RYR2: variants seen among roughly 807,000 people sequenced by gnomAD.
RYR2 encodes cardiac muscle ryanodine receptor-calcium release channel.
In RYR2, 227 loss-of-function variants were observed where a neutral mutation model predicts 601.1. That is an observed-to-expected ratio of 0.38 (90% CI 0.34 to 0.42). RYR2 has a LOEUF of 0.42. RYR2 is among the 10% of genes least tolerant of loss of function. The pLI is 1.00. For missense variants in RYR2, 4,646 were observed against 6,156.5 expected (o/e 0.75, Z 8.21); for synonymous variants, 2,223 against 2,175.1 (o/e 1.02, Z -0.61).
chr1:237,799,093 G>T (rs1558441578), intron 97 of RYR2, among the ~76,000 whole-genome samples: 2 of 152,140 alleles, frequency 1.3e-5, no homozygotes, highest in Non-Finnish European at 2.9e-5. Context: ...TTATCTATCT[G>T]AAAACTTATT....
intron 12 of RYR2, among the ~76,000 whole-genome samples, chr1:237,428,323 A>G (rs1706415897): frequency 6.6e-6 from 1 of 152,226 alleles, no homozygotes; most frequent in Non-Finnish European, 1.5e-5. Flanking sequence ...AGCACTATTC[A>G]CAATAGCAAA....
intron 98 of RYR2, among the ~76,000 whole-genome samples, chr1:237,804,293 C>G (rs184108642): frequency 2.6e-4 from 29 of 113,330 alleles, no homozygotes; most frequent in Admixed American, 5.4e-4. Context: ...CCTTCCCAAG[C>G]AAACTCTGTT....
rs1397847397 is a variant in RYR2 at position 237,660,081 on chromosome 1, A to G, written c.8298+7A>G. On this transcript the variant is annotated splice_region_variant and intron_variant, in intron 55 of 104. Coordinates refer to ENST00000366574, the MANE Select transcript of RYR2 (RefSeq NM_001035.3). ...TAAGCTATTGTCTGAAAAGGTAAGG[A>G]TTTTTTGTTTGTTTTAGTTTGTAAA... The G allele has an allele frequency of 6.8e-7, 1 of 1,473,374 alleles. No homozygotes were observed. Among genetic ancestry groups the G allele is most frequent in the African/African-American group, 1.4e-5 (1 of 69,388 alleles). 91.3% of individuals were successfully genotyped at this position (1,473,374 alleles called of 1,614,324 possible).
At chr1:237,759,977 G>A in intron 83 of RYR2, 125 bp downstream of exon 83, 1 of 680,486 alleles carries the variant, frequency 1.5e-6, no homozygotes. Flanking sequence ...CTTTAAAGTG[G>A]GATAATCGGC....
chr1:237,162,936 A>G lies in RYR2; in HGVS notation c.49-107561A>G, dbSNP rs114906807. ...CAATCTGAGACTCTCCAAGGGAAAGAGGCTTCATCTCTACAACTGCTACTT... is the reference window on the plus strand; with the variant it reads ...CAATCTGAGACTCTCCAAGGGAAAGGGGCTTCATCTCTACAACTGCTACTT... On this transcript the variant is annotated intron_variant, in intron 1 of 104. Coordinates refer to ENST00000366574, the MANE Select transcript of RYR2 (RefSeq NM_001035.3). Among the ~76,000 whole-genome samples the G allele has an allele frequency of 2.3e-3, 345 of 152,302 alleles. 1 individual carries two copies. Among genetic ancestry groups the G allele is most frequent in the African/African-American group, 8.0e-3 (333 of 41,566 alleles).
chr1:237,505,423 A>G (rs77438565), intron 22 of RYR2, among the ~76,000 whole-genome samples: 1,528 of 152,320 alleles, frequency 0.01, 29 homozygotes, highest in African/African-American at 0.033. Flanking sequence ...CCATGCCTCC[A>G]AAGCTTCAGT....
At chr1:237,207,122 A>T (rs1044135881) in intron 1 of RYR2, among the ~76,000 whole-genome samples, 2 of 150,754 alleles carry the variant, frequency 1.3e-5, no homozygotes, top group Non-Finnish European at 2.9e-5. Flanking sequence ...CAGCCTGGAC[A>T]ACAGTGAAAA....
In RYR2 at chr1:237,788,097, T is replaced by G; in HGVS notation, c.13438T>G (p.Phe4480Val). The G allele has an allele frequency of 1.2e-6, 2 of 1,612,012 alleles. No homozygotes were observed. Among genetic ancestry groups the G allele is most frequent in the Non-Finnish European group, 1.7e-6 (2 of 1,179,060 alleles). Residue 4480 changes from phenylalanine to valine, a missense_variant, in exon 92 of 105, where the codon TTC becomes GTC. Phe to Val is a conservative substitution (Grantham distance 50). Transcript: ENST00000366574. ...YGEPEVPESA[F>V]WKKIIAYQQK... ...AGAACCAGAAGTGCCAGAGTCAGCA[T>G]TCTGGAAGAAAATCATAGCATATCA...
chr1:237,631,812 T>C (rs1176476033), intron 42 of RYR2, among the ~76,000 whole-genome samples: 2 of 151,418 alleles, frequency 1.3e-5, no homozygotes, highest in Non-Finnish European at 2.9e-5. Context: ...GTGTTTTTAG[T>C]AGAGACGGGG....
At chr1:237,767,218 C>T (rs1017307280) in intron 84 of RYR2, among the ~76,000 whole-genome samples, 8 of 152,006 alleles carry the variant, frequency 5.3e-5, no homozygotes, top group South Asian at 2.1e-4. Context: ...AAAACAAGCA[C>T]GAGTTCACAA....
intron 53 of RYR2, among the ~76,000 whole-genome samples, 193 bp downstream of exon 53, chr1:237,656,177 G>A (rs1338671035): frequency 6.6e-6 from 1 of 151,914 alleles, no homozygotes; most frequent in Non-Finnish European, 1.5e-5. Flanking sequence ...AAATAGATAA[G>A]ATGTACCTTC....
chr1:237,729,151 T>C (rs998920928), intron 76 of RYR2, among the ~76,000 whole-genome samples: 14 of 152,268 alleles, frequency 9.2e-5, no homozygotes, highest in African/African-American at 2.6e-4. Context: ...TTAGTTTCTG[T>C]GATGTCATAG....
At chr1:237,305,752 T>A (rs1387556103) in intron 2 of RYR2, among the ~76,000 whole-genome samples, 1 of 152,188 alleles carries the variant, frequency 6.6e-6, no homozygotes, top group Admixed American at 6.5e-5. Context: ...AATAACATAC[T>A]GTGTAGGTCT....
intron 1 of RYR2, among the ~76,000 whole-genome samples, chr1:237,260,749 AGTTTT>A (rs954102370): frequency 6.6e-6 from 1 of 152,238 alleles, no homozygotes; most frequent in Non-Finnish European, 1.5e-5. Flanking sequence ...AAGTACATTT[AGTTTT>A]ATTATTTAGA....
At chr1:237,527,623 T>C (rs2779360) in intron 24 of RYR2, among the ~76,000 whole-genome samples, 76,070 of 152,020 alleles carry the variant, frequency 0.5, 19,244 homozygotes, top group East Asian at 0.6. Flanking sequence ...TATTTGCCTC[T>C]TCATCTCTTT....
At chr1:237,356,708 T>C (rs1699327451) in intron 4 of RYR2, among the ~76,000 whole-genome samples, 1 of 152,068 alleles carries the variant, frequency 6.6e-6, no homozygotes, top group South Asian at 2.1e-4. Context: ...CCTTATCTGT[T>C]AGGAAAAAAT....
At chr1:237,765,145 T>TAATC (rs367872861) in intron 84 of RYR2, among the ~76,000 whole-genome samples, 1 of 152,116 alleles carries the variant, frequency 6.6e-6, no homozygotes. Flanking sequence ...TTTAATGACT[T>TAATC]AATCAAATTC....
chr1:237,266,396 T>C (rs768893550), intron 1 of RYR2, among the ~76,000 whole-genome samples: 1 of 152,134 alleles, frequency 6.6e-6, no homozygotes, highest in Non-Finnish European at 1.5e-5. Context: ...AATATCCTCA[T>C]GTGCATTTCA....
At chr1:237,625,192 T>C (rs1354160171) in intron 39 of RYR2, among the ~76,000 whole-genome samples, 1 of 152,100 alleles carries the variant, frequency 6.6e-6, no homozygotes, top group Non-Finnish European at 1.5e-5. Flanking sequence ...TTCCCTGGTT[T>C]AGGGTACCTA....
Sources: allele counts gnomAD v4.1 joint callset (sites outside exome capture counted in the v4.1 genomes callset), GRCh38; gene constraint gnomAD v4.1.1; transcripts MANE v1.5; gene names NCBI Gene and HGNC (gene_info 2026-07-23, HGNC 2026-07-21).